The following FAM185A variants were observed in gnomAD, a reference collection of about 807,000 sequenced individuals.
FAM185A encodes the protein protein FAM185A.
FAM185A carries 21 observed loss-of-function variants against 45.7 expected under a neutral mutation model. The observed-to-expected ratio is 0.46, with a 90% CI of 0.33 to 0.66. The LOEUF is 0.66. Among genes scored for constraint, FAM185A ranks in the 30% least tolerant of loss-of-function variants. The probability of loss-of-function intolerance (pLI) is 0.03; values close to 1 mark genes in which losing one functional copy is unlikely to be tolerated. For missense variants in FAM185A, 305 were observed against 485.4 expected (o/e 0.63, Z 3.49); for synonymous variants, 117 against 194.0 (o/e 0.60, Z 3.30).
intron 7 of FAM185A, among the ~76,000 whole-genome samples, chr7:102,800,413 A>G (rs1796719452): frequency 6.6e-6 from 1 of 152,228 alleles, no homozygotes; most frequent in Non-Finnish European, 1.5e-5. Context: ...ATTTACCTGA[A>G]AAAGCATTCA....
intron 7 of FAM185A, among the ~76,000 whole-genome samples, chr7:102,800,781 A>C (rs964582772): frequency 8.5e-5 from 13 of 152,172 alleles, no homozygotes. Context: ...CTGAGGAAGA[A>C]GAGAAATCTA....
chr7:102,844,618 C>A, the FAM185A span, among the ~76,000 whole-genome samples: 1 of 152,146 alleles, frequency 6.6e-6, no homozygotes, highest in African/African-American at 2.4e-5. Flanking sequence ...CTCAATACTT[C>A]CAGAACACTT....
chr7:102,774,912 A>C (rs757030015), intron 5 of FAM185A, among the ~76,000 whole-genome samples: 5 of 152,238 alleles, frequency 3.3e-5, no homozygotes, highest in South Asian at 2.1e-4. Flanking sequence ...TTTCTTTAAA[A>C]TATCTATCAT....
downstream of FAM185A, among the ~76,000 whole-genome samples, chr7:102,812,161 T>C (rs115121768): frequency 0.025 from 3,737 of 152,266 alleles, 162 homozygotes; most frequent in African/African-American, 0.085. Context: ...CAGAGTTGTG[T>C]TTTCTCTTGG....
the FAM185A span, among the ~76,000 whole-genome samples, chr7:102,845,101 C>T: frequency 1.3e-5 from 2 of 152,046 alleles, no homozygotes; most frequent in Non-Finnish European, 2.9e-5. Flanking sequence ...ATGGGGGCTT[C>T]GTCATATAGA....
At chr7:102,801,145 A>C (rs1254315811) in intron 7 of FAM185A, among the ~76,000 whole-genome samples, 4 of 152,184 alleles carry the variant, frequency 2.6e-5, no homozygotes, top group Non-Finnish European at 5.9e-5. Context: ...TTGTGTATGA[A>C]AGATACAGTC....
the FAM185A span, among the ~76,000 whole-genome samples, chr7:102,819,049 G>A: frequency 0.016 from 2,419 of 152,096 alleles, 55 homozygotes; most frequent in African/African-American, 0.056. Flanking sequence ...GAGAACATGC[G>A]TTATTTGGTT....
At chr7:102,817,036 C>T in the FAM185A span, among the ~76,000 whole-genome samples, 1 of 152,198 alleles carries the variant, frequency 6.6e-6, no homozygotes, top group African/African-American at 2.4e-5. Context: ...GATCCCATGA[C>T]TTTGCTATTG....
the FAM185A span, chr7:102,833,060 T>C: frequency 2.1e-6 from 3 of 1,420,558 alleles, no homozygotes; most frequent in Non-Finnish European, 2.9e-6. Context: ...AATGTACATT[T>C]CAGTCCCTGA....
the FAM185A span, among the ~76,000 whole-genome samples, chr7:102,836,273 A>G: frequency 1.3e-5 from 2 of 152,352 alleles, no homozygotes; most frequent in East Asian, 3.9e-4. Flanking sequence ...TGAGGCACAA[A>G]AATTGGTCTA....
chr7:102,785,897 T>A (rs1795758611), intron 6 of FAM185A, among the ~76,000 whole-genome samples: 1 of 152,012 alleles, frequency 6.6e-6, no homozygotes, highest in Non-Finnish European at 1.5e-5. Context: ...ACAGGCAACC[T>A]ACAGAATGGG....
chr7:102,766,752 C>T (rs1258410942), intron 4 of FAM185A, among the ~76,000 whole-genome samples: 3 of 151,844 alleles, frequency 2.0e-5, no homozygotes, highest in Admixed American at 6.6e-5. Flanking sequence ...TGCTTAATTT[C>T]GAATCTGGAC....
At chr7:102,761,878 G>A (rs989310526) in intron 4 of FAM185A, among the ~76,000 whole-genome samples, 4 of 152,116 alleles carry the variant, frequency 2.6e-5, no homozygotes, top group African/African-American at 9.7e-5. Context: ...TGCCCAGGCT[G>A]ATCTCAAACT....
chr7:102,833,436 C>CTTTTTTTT, the FAM185A span, among the ~76,000 whole-genome samples: 1 of 134,616 alleles, frequency 7.4e-6, no homozygotes, highest in Non-Finnish European at 1.6e-5. Context: ...AGCCTGTTTC[C>CTTTTTTTT]TTTTTTTTTT....
At chr7:102,813,206 G>T (rs927450575), downstream of FAM185A, 2 of 779,122 alleles carry the variant, frequency 2.6e-6, no homozygotes, top group Non-Finnish European at 4.1e-6. Flanking sequence ...AATATTTGTA[G>T]TTGGAATAAG....
At chr7:102,788,598 C>A (rs1421046560) in intron 7 of FAM185A, among the ~76,000 whole-genome samples, 1 of 152,102 alleles carries the variant, frequency 6.6e-6, no homozygotes, top group Non-Finnish European at 1.5e-5. Context: ...TGCATGCCAC[C>A]TAATGGGCAG....
the FAM185A span, among the ~76,000 whole-genome samples, chr7:102,828,127 T>C: frequency 1.3e-5 from 2 of 152,204 alleles, no homozygotes; most frequent in Non-Finnish European, 2.9e-5. Context: ...AAGAAAGTAA[T>C]TGGTAGCTTG....
intron 2 of FAM185A, among the ~76,000 whole-genome samples, chr7:102,752,299 G>A (rs936557725): frequency 5.6e-5 from 8 of 143,602 alleles, no homozygotes; most frequent in African/African-American, 2.1e-4. Flanking sequence ...TTGAGATGGA[G>A]TCTTACTCTG....
At chr7:102,803,822 G>A (rs988408995) in intron 7 of FAM185A, among the ~76,000 whole-genome samples, 1 of 152,028 alleles carries the variant, frequency 6.6e-6, no homozygotes, top group Non-Finnish European at 1.5e-5. Flanking sequence ...CTGATAAAAG[G>A]ATTCAACAAA....
Sources: gnomAD v4.1 joint callset for allele counts (sites outside exome capture counted in the v4.1 genomes callset) on GRCh38, gnomAD v4.1.1 for gene constraint, MANE v1.5 for transcripts, NCBI Gene and HGNC (gene_info 2026-07-23, HGNC 2026-07-21) for gene names.